Variants in NEK10 observed in about 807,000 individuals in gnomAD.
NEK10 encodes the protein NIMA related kinase 10, also known as serine/threonine-protein kinase Nek10.
A neutral mutation model predicts 159.8 loss-of-function variants in NEK10; 122 were observed. The observed-to-expected ratio is 0.76, with a 90% CI of 0.66 to 0.89. The LOEUF (loss-of-function observed/expected upper bound fraction) is 0.89. Among genes scored for constraint, NEK10 ranks in the 40% least tolerant of loss-of-function variants. NEK10 has a pLI of 0.00. For synonymous variants in NEK10, 466 were observed against 457.1 expected (o/e 1.02, Z -0.25); for missense variants, 1,342 against 1,323.1 (o/e 1.01, Z -0.22).
At chr3:27,336,763 T>C (rs1170338076) in intron 5 of NEK10, among the ~76,000 whole-genome samples, 1 of 152,116 alleles carries the variant, frequency 6.6e-6, no homozygotes, top group Non-Finnish European at 1.5e-5. Flanking sequence ...ATCATCTCAA[T>C]AGATGCAGAA....
intron 4 of NEK10, among the ~76,000 whole-genome samples, chr3:27,345,460 A>G (rs1575846490): frequency 6.6e-6 from 1 of 152,220 alleles, no homozygotes; most frequent in African/African-American, 2.4e-5. Flanking sequence ...AAATAAACAA[A>G]TGATCCTTCT....
chr3:27,298,161 T>C (rs944221416), intron 13 of NEK10, among the ~76,000 whole-genome samples: 3 of 152,202 alleles, frequency 2.0e-5, no homozygotes, highest in Non-Finnish European at 4.4e-5. Context: ...ATGGTTTGGC[T>C]GTGTCCCCAC....
chr3:27,225,939 G>A (rs954561210), intron 23 of NEK10, among the ~76,000 whole-genome samples: 1 of 152,228 alleles, frequency 6.6e-6, no homozygotes, highest in Non-Finnish European at 1.5e-5. Context: ...TATAGGAAAT[G>A]AGTTCATAAG....
chr3:27,178,751 T>C (rs1400639112), intron 26 of NEK10, among the ~76,000 whole-genome samples: 1 of 152,234 alleles, frequency 6.6e-6, no homozygotes, highest in Non-Finnish European at 1.5e-5. Context: ...CCTTGTGGAC[T>C]AGACCATAGC....
At chr3:27,277,649 C>T (rs1016986926) in intron 22 of NEK10, among the ~76,000 whole-genome samples, 1 of 152,274 alleles carries the variant, frequency 6.6e-6, no homozygotes, top group Middle Eastern at 3.4e-3. Context: ...TCTTACCCTT[C>T]CTGCTTAACT....
intron 23 of NEK10, among the ~76,000 whole-genome samples, chr3:27,234,701 T>C (rs1953709186): frequency 6.6e-6 from 1 of 152,074 alleles, no homozygotes; most frequent in Non-Finnish European, 1.5e-5. Context: ...AAGCAATTCA[T>C]ACATTCAATG....
intron 6 of NEK10, among the ~76,000 whole-genome samples, chr3:27,316,424 G>T (rs1223722394): frequency 6.6e-6 from 1 of 152,268 alleles, no homozygotes; most frequent in South Asian, 2.1e-4. Flanking sequence ...AACACAGGGG[G>T]AGAGAAAGGA....
chr3:27,117,660 C>A (rs559103540), intron 33 of NEK10, among the ~76,000 whole-genome samples: 2 of 152,154 alleles, frequency 1.3e-5, no homozygotes, highest in Non-Finnish European at 2.9e-5. Flanking sequence ...CCTTTGCCTA[C>A]TTTTTAATGG....
In NEK10 at chr3:27,108,365, T is replaced by C. The variant is rs1939193347; in HGVS notation, c.*2907A>G. Among the ~76,000 whole-genome samples, 1 of 152,220 alleles carries C rather than the reference T, an allele frequency of 6.6e-6. No individual in the cohort carries two copies. Among genetic ancestry groups the C allele is most frequent in the South Asian group, 2.1e-4 (1 of 4,834 alleles). On this transcript the variant is annotated 3_prime_UTR_variant, in exon 36 of 36. Transcript: ENST00000691995. Reference sequence around the variant, plus strand: ...TTGAAGACTCCATTTGAAGACTACATGCCTGGAGGAAGATAAAGTTAACAA... The same window carrying C: ...TTGAAGACTCCATTTGAAGACTACACGCCTGGAGGAAGATAAAGTTAACAA...
At chr3:27,154,904 C>G (rs1409091674) in intron 30 of NEK10, among the ~76,000 whole-genome samples, 1 of 152,144 alleles carries the variant, frequency 6.6e-6, no homozygotes, top group Non-Finnish European at 1.5e-5. Context: ...AGGATGCCCA[C>G]TCTCACCACT....
intron 26 of NEK10, among the ~76,000 whole-genome samples, chr3:27,178,074 C>G (rs1032361989): frequency 6.6e-6 from 1 of 152,104 alleles, no homozygotes; most frequent in African/African-American, 2.4e-5. Context: ...GCAAATCACA[C>G]AATAAAATTA....
intron 29 of NEK10, among the ~76,000 whole-genome samples, chr3:27,169,331 A>C (rs1946748590): frequency 6.6e-6 from 1 of 152,108 alleles, no homozygotes; most frequent in African/African-American, 2.4e-5. Flanking sequence ...AGTCCCCACA[A>C]ACACCCACTG....
chr3:27,164,555 C>T (rs1946312868), intron 29 of NEK10, among the ~76,000 whole-genome samples: 1 of 152,142 alleles, frequency 6.6e-6, no homozygotes. Context: ...TATTATTTTA[C>T]ATCTTAATTA....
chr3:27,131,968 T>C lies in NEK10; in HGVS notation c.2993A>G (p.Asn998Ser). 2.5e-6 allele frequency: 4 copies of C among 1,605,896 alleles called. No individual in the cohort carries two copies. Among genetic ancestry groups the C allele is most frequent in the Non-Finnish European group, 3.4e-6 (4 of 1,173,358 alleles). The change falls in exon 32 of 36, where the codon AAT (asparagine) becomes AGT (serine). Residue 998 changes from asparagine (N) to serine (S), a missense_variant. Asn to Ser is a conservative substitution (Grantham distance 46). Transcript: ENST00000691995. ...TCTCTCTATAACCCTTCTTTTCAAA[T>C]TGTGGTGCAAAGCTGGAGGAAGCTG... ...ITQLPPALHH[N>S]LKRRVIERFK...
At chr3:27,349,692 T>A (rs2047830061) in intron 3 of NEK10, among the ~76,000 whole-genome samples, 1 of 152,194 alleles carries the variant, frequency 6.6e-6, no homozygotes, top group Non-Finnish European at 1.5e-5. Flanking sequence ...TAATCTGAAT[T>A]CCAGGTCTCA....
intron 32 of NEK10, among the ~76,000 whole-genome samples, chr3:27,128,742 T>C (rs978470159): frequency 2.0e-5 from 3 of 152,056 alleles, no homozygotes; most frequent in African/African-American, 7.2e-5. Context: ...AAATAGCCAG[T>C]GGGAGCCTCT....
At chr3:27,307,722 T>G (rs1024916025) in intron 11 of NEK10, 137 bp downstream of exon 11, 1 of 636,084 alleles carries the variant, frequency 1.6e-6, no homozygotes, top group Non-Finnish European at 2.8e-6. Context: ...TTATATAAAC[T>G]TAAACAGAAA....
chr3:27,237,758 C>A (rs1049173776), intron 23 of NEK10, among the ~76,000 whole-genome samples: 38 of 152,068 alleles, frequency 2.5e-4, no homozygotes, highest in Non-Finnish European at 2.6e-4. Context: ...GAAATCACCA[C>A]TTAAGAACCT....
chr3:27,322,892 A>G (rs553076838), intron 5 of NEK10, among the ~76,000 whole-genome samples: 54 of 152,210 alleles, frequency 3.5e-4, no homozygotes, highest in Non-Finnish European at 7.1e-4. Context: ...TTCATGCTGT[A>G]TCTGATGGAT....
Sources: allele counts gnomAD v4.1 joint callset (sites outside exome capture counted in the v4.1 genomes callset), GRCh38; gene constraint gnomAD v4.1.1; transcripts MANE v1.5; gene names NCBI Gene and HGNC (gene_info 2026-07-23, HGNC 2026-07-21).